Variants in CSMD1 observed in about 807,000 individuals in gnomAD.
CSMD1 encodes CUB and Sushi multiple domains 1.
In CSMD1, 213 loss-of-function variants were observed where a neutral mutation model predicts 417.5. The observed-to-expected ratio is 0.51, with a 90% CI of 0.46 to 0.57. CSMD1 has a LOEUF of 0.57. Among genes scored for constraint, CSMD1 ranks in the 20% least tolerant of loss-of-function variants. CSMD1 has a pLI of 0.00. For missense variants in CSMD1, 6,923 were observed against 4,529.7 expected (o/e 1.53, Z -15.17); for synonymous variants, 2,862 against 1,736.8 (o/e 1.65, Z -16.11).
At chr8:4,212,877 G>C (rs184486681) in intron 3 of CSMD1, among the ~76,000 whole-genome samples, 5 of 150,732 alleles carry the variant, frequency 3.3e-5, no homozygotes, top group East Asian at 4.0e-4. Flanking sequence ...AGGAAGATGA[G>C]GACAACAGTT....
intron 12 of CSMD1, among the ~76,000 whole-genome samples, chr8:3,430,995 A>G (rs546253956): frequency 6.6e-6 from 1 of 152,218 alleles, no homozygotes; most frequent in Admixed American, 6.5e-5. Flanking sequence ...TGAGCCCTTA[A>G]ATCTCTCTTC....
At chr8:4,074,307 T>G (rs1037758282) in intron 3 of CSMD1, among the ~76,000 whole-genome samples, 2 of 151,974 alleles carry the variant, frequency 1.3e-5, no homozygotes, top group Non-Finnish European at 2.9e-5. Flanking sequence ...TGAAAGAAAA[T>G]AAAAACTATA....
intron 37 of CSMD1, among the ~76,000 whole-genome samples, chr8:3,165,553 T>C (rs1034540309): frequency 2.0e-5 from 3 of 152,110 alleles, no homozygotes; most frequent in African/African-American, 7.2e-5. Context: ...TGCCTCAGCC[T>C]CCTGAGTAGC....
intron 3 of CSMD1, among the ~76,000 whole-genome samples, chr8:4,197,427 C>T (rs938462106): frequency 1.3e-5 from 2 of 152,142 alleles, no homozygotes; most frequent in Admixed American, 6.5e-5. Flanking sequence ...ATGAGTAAAG[C>T]AGATTTCCTT....
At chr8:4,835,607 C>A (rs1341503608) in intron 1 of CSMD1, among the ~76,000 whole-genome samples, 1 of 152,182 alleles carries the variant, frequency 6.6e-6, no homozygotes, top group Non-Finnish European at 1.5e-5. Flanking sequence ...CTACATTTTG[C>A]ATATGCATAA....
intron 4 of CSMD1, among the ~76,000 whole-genome samples, chr8:4,025,128 T>G (rs1250617169): frequency 1.3e-5 from 2 of 152,206 alleles, no homozygotes; most frequent in African/African-American, 2.4e-5. Context: ...CTGCAAGAGA[T>G]GTTGAGACTG....
At chr8:3,537,524 A>C (rs1185788081) in intron 10 of CSMD1, among the ~76,000 whole-genome samples, 1 of 152,076 alleles carries the variant, frequency 6.6e-6, no homozygotes, top group African/African-American at 2.4e-5. Flanking sequence ...GTTTGGACAA[A>C]CCCCCTAAAA....
chr8:4,900,556 G>A (rs146877754), intron 1 of CSMD1, among the ~76,000 whole-genome samples: 1 of 152,246 alleles, frequency 6.6e-6, no homozygotes, highest in East Asian at 1.9e-4. Context: ...TGATGTGCAT[G>A]CTTCTCCCAG....
intron 3 of CSMD1, among the ~76,000 whole-genome samples, chr8:4,121,314 C>A: frequency 6.6e-6 from 1 of 151,974 alleles, no homozygotes; most frequent in Non-Finnish European, 1.5e-5. Context: ...ACCGTTCCAC[C>A]ATGTTGGCCA....
At chr8:4,127,660 A>T (rs753612695) in intron 3 of CSMD1, among the ~76,000 whole-genome samples, 9 of 152,198 alleles carry the variant, frequency 5.9e-5, no homozygotes, top group Non-Finnish European at 1.3e-4. Flanking sequence ...CCCTTTACTT[A>T]GACTACTTAT....
intron 5 of CSMD1, among the ~76,000 whole-genome samples, chr8:3,789,404 G>C (rs1455828997): frequency 6.3e-5 from 1 of 15,782 alleles, no homozygotes; most frequent in Non-Finnish European, 1.8e-4. Context: ...TTTTTTTTAA[G>C]TAAGTTTTTT....
chr8:4,950,691 T>C (rs1395321655), intron 1 of CSMD1, among the ~76,000 whole-genome samples: 1 of 152,168 alleles, frequency 6.6e-6, no homozygotes, highest in African/African-American at 2.4e-5. Context: ...TTTACTTTGA[T>C]TACATTGGCA....
intron 5 of CSMD1, among the ~76,000 whole-genome samples, chr8:3,821,412 T>G (rs960572627): frequency 2.6e-5 from 4 of 152,198 alleles, no homozygotes; most frequent in Non-Finnish European, 5.9e-5. Flanking sequence ...CACGCGCATG[T>G]GGATTATGCA....
intron 4 of CSMD1, among the ~76,000 whole-genome samples, chr8:4,026,296 G>C (rs2554575): frequency 0.64 from 96,677 of 152,088 alleles, 31,041 homozygotes; most frequent in South Asian, 0.74. Flanking sequence ...TACTACACCA[G>C]ACACTGAGAA....
At chr8:4,043,838 T>G (rs1025257093) in intron 3 of CSMD1, among the ~76,000 whole-genome samples, 2 of 152,124 alleles carry the variant, frequency 1.3e-5, no homozygotes, top group Admixed American at 6.5e-5. Flanking sequence ...TTATTCCAAT[T>G]TCACATACAA....
chr8:4,665,873 G>A (rs967668839), intron 1 of CSMD1, among the ~76,000 whole-genome samples: 3 of 152,118 alleles, frequency 2.0e-5, no homozygotes, highest in African/African-American at 7.2e-5. Context: ...TAATTACCTA[G>A]GAAGACCTTG....
chr8:4,408,288 A>C (rs146607209), intron 3 of CSMD1, among the ~76,000 whole-genome samples: 1 of 152,332 alleles, frequency 6.6e-6, no homozygotes, highest in East Asian at 1.9e-4. Context: ...TATATTATGA[A>C]AGAACCAGTG....
intron 3 of CSMD1, among the ~76,000 whole-genome samples, chr8:4,107,581 C>G (rs906231737): frequency 6.6e-6 from 1 of 152,176 alleles, no homozygotes; most frequent in African/African-American, 2.4e-5. Flanking sequence ...TAATTATAAG[C>G]AAGCGCTTTG....
At chr8:3,876,764 C>G (rs1183495780) in intron 5 of CSMD1, among the ~76,000 whole-genome samples, 1 of 152,104 alleles carries the variant, frequency 6.6e-6, no homozygotes, top group Admixed American at 6.6e-5. Flanking sequence ...CATAGGCCAC[C>G]AGGCACAGCA....
Sources: allele counts gnomAD v4.1 joint callset (sites outside exome capture counted in the v4.1 genomes callset), GRCh38; gene constraint gnomAD v4.1.1; transcripts MANE v1.5; gene names NCBI Gene and HGNC (gene_info 2026-07-23, HGNC 2026-07-21).